Variants in SMARCAL1 observed in about 807,000 individuals in gnomAD.
SMARCAL1 encodes SNF2 related chromatin remodeling annealing helicase 1, also known as ATP-driven annealing helicase.
A neutral mutation model predicts 94.5 loss-of-function variants in SMARCAL1; 58 were observed. The observed-to-expected ratio is 0.61, with a 90% confidence interval of 0.50 to 0.76. SMARCAL1 has a LOEUF of 0.76. Ranked by LOEUF, SMARCAL1 falls within the 30% of genes least tolerant of loss-of-function variation. The pLI, the probability that SMARCAL1 is intolerant of heterozygous loss-of-function variation, is 0.00. For synonymous variants in SMARCAL1, 422 were observed against 455.1 expected, an observed-to-expected ratio of 0.93 and a Z score of 0.93; for missense variants, 1,051 against 1,177.9, an observed-to-expected ratio of 0.89 and a Z score of 1.58.
intron 8 of SMARCAL1, among the ~76,000 whole-genome samples, chr2:216,433,175 A>AT (rs1031282224): frequency 4.0e-5 from 6 of 151,452 alleles, no homozygotes; most frequent in South Asian, 2.1e-4. Context: ...ACCACACTTA[A>AT]TTTTTTTTTA....
rs2106037706 is a variant in SMARCAL1, at chr2:216,435,910, G to A, written c.1644+414G>A. Among the ~76,000 whole-genome samples the A allele has an allele frequency of 2.0e-5, 3 of 152,280 alleles. No homozygotes were observed. The South Asian group carries it at 6.2e-4, about 32-fold the overall frequency. On this transcript the variant is annotated intron_variant, in intron 9 of 17. Coordinates refer to ENST00000357276, the MANE Select transcript of SMARCAL1 (RefSeq NM_014140.4). The stretch of plus-strand genomic sequence containing the variant: ...AATTGAGTTTTCTTCCAGCCAATGT[G>A]AAGATACACCCCCACCCCACAAAAG...
chr2:216,451,903 CT>C (rs1287341051), intron 12 of SMARCAL1, among the ~76,000 whole-genome samples: 1 of 152,114 alleles, frequency 6.6e-6, no homozygotes, highest in Non-Finnish European at 1.5e-5. Flanking sequence ...TGATATTACC[CT>C]GTATAAAGAT....
At chr2:216,463,049 ATTAG>A (rs1694741171) in intron 12 of SMARCAL1, among the ~76,000 whole-genome samples, 1 of 152,138 alleles carries the variant, frequency 6.6e-6, no homozygotes, top group Non-Finnish European at 1.5e-5. Context: ...ATCCATGGTT[ATTAG>A]TTTTAGGTAC....
rs991853074 is a variant in SMARCAL1 at position 216,428,713 on chromosome 2, A to G, written c.1265A>G (p.Glu422Gly). The G allele has an allele frequency of 1.9e-6, 3 of 1,614,098 alleles. No individual in the cohort carries two copies. The highest frequency in any genetic ancestry group is 2.7e-5 in the African/African-American group (2 of 74,940). The change falls in exon 7 of 18, where the codon GAG (glutamate) becomes GGG (glycine). Residue 422 changes from glutamate to glycine, a missense_variant. By Grantham distance (98) the Glu-to-Gly change is moderately conservative. Transcript: ENST00000357276. Reference protein sequence around the residue: ...TSLSLTPDVPEADLSEVDPKL... With the variant: ...TSLSLTPDVPGADLSEVDPKL... ...CTCAGTCTCACGCCAGATGTCCCAGAGGCAGACCTTTCTGAAGTGGACCCC... is the reference window on the plus strand; with the variant it reads ...CTCAGTCTCACGCCAGATGTCCCAGGGGCAGACCTTTCTGAAGTGGACCCC...
intron 4 of SMARCAL1, among the ~76,000 whole-genome samples, chr2:216,417,380 G>A (rs114914342): frequency 0.013 from 2,012 of 152,334 alleles, 47 homozygotes; most frequent in African/African-American, 0.046. Flanking sequence ...CAGTCCTGGA[G>A]GCTGGAAGCC....
At chr2:216,434,849 C>A (rs1008615870) in intron 8 of SMARCAL1, among the ~76,000 whole-genome samples, 2 of 89,606 alleles carry the variant, frequency 2.2e-5, no homozygotes, top group Non-Finnish European at 4.1e-5. Flanking sequence ...ACACAACTCT[C>A]TATTTTTTTT....
chr2:216,429,382 G>C (rs559171447), intron 7 of SMARCAL1, among the ~76,000 whole-genome samples: 1 of 152,292 alleles, frequency 6.6e-6, no homozygotes, highest in South Asian at 2.1e-4. Context: ...AAATTACTGG[G>C]ATTGAAAGTG....
chr2:216,440,737 G>A (rs779157447), intron 10 of SMARCAL1, among the ~76,000 whole-genome samples: 6 of 152,122 alleles, frequency 3.9e-5, no homozygotes, highest in Non-Finnish European at 7.3e-5. Context: ...CTAGATTGGA[G>A]TCTCTCAACC....
intron 12 of SMARCAL1, among the ~76,000 whole-genome samples, chr2:216,453,964 G>A (rs1338589871): frequency 2.0e-5 from 3 of 152,126 alleles, no homozygotes; most frequent in Non-Finnish European, 4.4e-5. Flanking sequence ...AATGGATATC[G>A]CTTCACAGGC....
intron 13 of SMARCAL1, 54 bp downstream of exon 13, chr2:216,464,721 AAAC>A (rs1694793507): frequency 2.7e-5 from 33 of 1,234,800 alleles, no homozygotes; most frequent in Non-Finnish European, 3.2e-5. Context: ...AAAAAAAAAA[AAAC>A]AACTTATTAC....
intron 17 of SMARCAL1, among the ~76,000 whole-genome samples, chr2:216,480,588 C>A (rs1231296366): frequency 2.6e-5 from 4 of 152,162 alleles, no homozygotes; most frequent in Non-Finnish European, 4.4e-5. Flanking sequence ...TCTTTCATAT[C>A]ATTTCCCTCT....
At chr2:216,480,402 G>T (rs540861585) in intron 17 of SMARCAL1, among the ~76,000 whole-genome samples, 1 of 152,180 alleles carries the variant, frequency 6.6e-6, no homozygotes, top group Non-Finnish European at 1.5e-5. Flanking sequence ...TGCATGCCCC[G>T]AGTCAGCATA....
chr2:216,425,250 C>T (rs1057129980), intron 6 of SMARCAL1, among the ~76,000 whole-genome samples: 14 of 152,188 alleles, frequency 9.2e-5, no homozygotes, highest in East Asian at 5.8e-4. Flanking sequence ...TAGCCAGGTG[C>T]GCCAGCTGCT....
At chr2:216,438,336 A>G (rs1694121322) in intron 9 of SMARCAL1, 84 bp from the exon 10 acceptor site, 1 of 1,190,250 alleles carries the variant, frequency 8.4e-7, no homozygotes, top group Non-Finnish European at 1.2e-6. Context: ...TGCACTTGCC[A>G]TGCCAGGGTC....
chr2:216,472,942 T>C (rs946564410), intron 14 of SMARCAL1, among the ~76,000 whole-genome samples: 3 of 152,258 alleles, frequency 2.0e-5, no homozygotes, highest in African/African-American at 7.2e-5. Flanking sequence ...TTCTTTTTGC[T>C]ATCGTACTTT....
rs1209382791 is a variant in SMARCAL1, at chr2:216,464,775, C to T, written c.2141+108C>T. ...TGATTTTACTGCGTCTAAGAAATGA[C>T]CAGAGATTATTAAATGTGCCTTTTG... is the stretch of plus-strand genomic sequence containing the variant. On this transcript the variant is annotated intron_variant, in intron 13 of 17. Transcript: ENST00000357276. 4.8e-6 allele frequency: 4 copies of T among 824,850 alleles called. No homozygotes were observed. In the African/African-American group the frequency reaches 5.1e-5, roughly 11 times the overall value. 51.1% of individuals were successfully genotyped at this position (824,850 alleles called of 1,614,324 possible).
chr2:216,453,262 G>A (rs545137626), intron 12 of SMARCAL1, among the ~76,000 whole-genome samples: 91 of 152,330 alleles, frequency 6.0e-4, no homozygotes, highest in African/African-American at 2.0e-3. Context: ...AAAGTTAAAC[G>A]TTTATCCCTG....
intron 10 of SMARCAL1, among the ~76,000 whole-genome samples, chr2:216,444,276 G>A (rs1162731959): frequency 1.3e-5 from 2 of 151,968 alleles, no homozygotes; most frequent in Non-Finnish European, 2.9e-5. Context: ...AATAATTCTG[G>A]GTATAAGACT....
At chr2:216,429,005 A>G (rs552953096) in intron 7 of SMARCAL1, among the ~76,000 whole-genome samples, 1 of 152,370 alleles carries the variant, frequency 6.6e-6, no homozygotes, top group South Asian at 2.1e-4. Context: ...AATTGCAGCT[A>G]TGCAGAAACC....
Sources: gnomAD v4.1 joint callset for allele counts (sites outside exome capture counted in the v4.1 genomes callset) on GRCh38, gnomAD v4.1.1 for gene constraint, MANE v1.5 for transcripts, NCBI Gene and HGNC (gene_info 2026-07-23, HGNC 2026-07-21) for gene names.